The following MAPK4 variants were observed in gnomAD, a reference collection of about 807,000 sequenced individuals.
MAPK4 encodes the protein mitogen-activated protein kinase 4.
A neutral mutation model predicts 47.7 loss-of-function variants in MAPK4; 22 were observed. The ratio of observed to expected loss-of-function variants is 0.46; its 90% CI spans 0.33 to 0.66. MAPK4 has a LOEUF of 0.66. Ranked by LOEUF, MAPK4 falls within the 30% of genes least tolerant of loss-of-function variation. The pLI is 0.02. For missense variants in MAPK4, 736 were observed against 831.7 expected (o/e 0.88, Z 1.42); for synonymous variants, 390 against 365.7 (o/e 1.07, Z -0.76).
chr18:50,653,143 C>T lies in MAPK4; in HGVS notation c.-870-9946C>T, dbSNP rs547690672. On this transcript the variant is annotated intron_variant, in intron 1 of 5. Coordinates refer to ENST00000400384, the MANE Select transcript of MAPK4 (RefSeq NM_002747.4). Reference sequence around the variant, plus strand: ...GTTTGAGGCTGCACTGAGCTATGATCGAGCCACTGCACACCAGCCTGGGTG... The same window carrying T: ...GTTTGAGGCTGCACTGAGCTATGATTGAGCCACTGCACACCAGCCTGGGTG... 1.3e-4 allele frequency among the ~76,000 whole-genome samples: 20 copies of T among 151,748 alleles called. No individual in the cohort carries two copies. The South Asian group carries it at 3.1e-3, about 24-fold the overall frequency.
chr18:50,656,579 CA>C (rs764218470), intron 1 of MAPK4, among the ~76,000 whole-genome samples: 103 of 152,304 alleles, frequency 6.8e-4, no homozygotes, highest in Non-Finnish European at 1.2e-3. Flanking sequence ...GTGAGTCCAG[CA>C]CCCACTTAAG....
chr18:50,605,753 TA>T (rs1222405667), intron 1 of MAPK4, among the ~76,000 whole-genome samples: 1 of 152,204 alleles, frequency 6.6e-6, no homozygotes, highest in Non-Finnish European at 1.5e-5. Flanking sequence ...AGGCCTTCCC[TA>T]GCAGAGTGCC....
At chr18:50,564,521 A>T (rs2149355264) in intron 1 of MAPK4, among the ~76,000 whole-genome samples, 1 of 152,314 alleles carries the variant, frequency 6.6e-6, no homozygotes, top group African/African-American at 2.4e-5. Context: ...ATTGGTTATT[A>T]TGTATCATGC....
chr18:50,569,152 T>C (rs1350821178), intron 1 of MAPK4, among the ~76,000 whole-genome samples: 1 of 152,230 alleles, frequency 6.6e-6, no homozygotes, highest in African/African-American at 2.4e-5. Context: ...GTGCTGGATA[T>C]TGTTTTGAAA....
At chr18:50,589,356 G>A (rs2042415163) in intron 1 of MAPK4, among the ~76,000 whole-genome samples, 1 of 152,210 alleles carries the variant, frequency 6.6e-6, no homozygotes, top group Admixed American at 6.5e-5. Context: ...CAGCACTTTG[G>A]GAGGCCGAGG....
chr18:50,644,913 C>T (rs2042974216), intron 1 of MAPK4, among the ~76,000 whole-genome samples: 2 of 152,220 alleles, frequency 1.3e-5, no homozygotes, highest in African/African-American at 4.8e-5. Context: ...CACCCACTCC[C>T]ACCTCCATCC....
chr18:50,721,434 G>A (rs1301084067), intron 3 of MAPK4, among the ~76,000 whole-genome samples: 1 of 152,204 alleles, frequency 6.6e-6, no homozygotes, highest in Non-Finnish European at 1.5e-5. Context: ...GAGGCCATGT[G>A]CTCAAGATAC....
At chr18:50,636,946 CAACTCCTGTCACAGCCTCCT>C (rs1031285407) in intron 1 of MAPK4, among the ~76,000 whole-genome samples, 1 of 152,084 alleles carries the variant, frequency 6.6e-6, no homozygotes, top group African/African-American at 2.4e-5. Flanking sequence ...ATCAATTTCC[CAACTCCTGTCACAGCCTCCT>C]GCTTGCTTCT....
At chr18:50,602,953 A>G (rs1255290982) in intron 1 of MAPK4, among the ~76,000 whole-genome samples, 1 of 152,134 alleles carries the variant, frequency 6.6e-6, no homozygotes, top group Non-Finnish European at 1.5e-5. Flanking sequence ...GAGGGCCAAG[A>G]TGGGGACTTC....
chr18:50,667,040 AG>A (rs1360711738), intron 2 of MAPK4, among the ~76,000 whole-genome samples: 1 of 152,192 alleles, frequency 6.6e-6, no homozygotes, highest in Non-Finnish European at 1.5e-5. Context: ...CTCCTGATGG[AG>A]GGTCTCTCTG....
In MAPK4 at chr18:50,721,964, C is replaced by A; in HGVS notation, c.718C>A (p.Leu240Ile). Residue 240 changes from leucine to isoleucine, a missense_variant, in exon 4 of 6, where the codon CTC becomes ATC. Leu to Ile is a conservative substitution (Grantham distance 5, BLOSUM62 2). Coordinates refer to ENST00000400384, the MANE Select transcript of MAPK4 (RefSeq NM_002747.4). Reference protein sequence around the residue: ...AGAHELEQMQLILETIPVIRE... With the variant: ...AGAHELEQMQIILETIPVIRE... ...GGCCCATGAGCTGGAGCAGATGCAA[C>A]TCATCCTGGAGACCATCCCTGTAAT... 6.2e-7 allele frequency: 1 copy of A among 1,614,130 alleles called. No homozygotes were observed. The highest frequency in any genetic ancestry group is 8.5e-7 in the Non-Finnish European group (1 of 1,180,028).
intron 1 of MAPK4, among the ~76,000 whole-genome samples, chr18:50,615,204 G>T (rs146246099): frequency 9.9e-5 from 15 of 152,146 alleles, no homozygotes; most frequent in South Asian, 4.1e-4. Context: ...ATTGTGTTGG[G>T]GGGGGAGATC....
intron 1 of MAPK4, among the ~76,000 whole-genome samples, chr18:50,628,084 A>G (rs8089368): frequency 0.83 from 125,726 of 152,212 alleles, 52,118 homozygotes; most frequent in East Asian, 0.9. Context: ...CCCGGGCAGT[A>G]GGGGCTGGGG....
At chr18:50,641,682 T>C (rs1385503118) in intron 1 of MAPK4, among the ~76,000 whole-genome samples, 4 of 152,206 alleles carry the variant, frequency 2.6e-5, no homozygotes, top group Non-Finnish European at 5.9e-5. Context: ...AAAGTTATTG[T>C]ACCATTTGCT....
intron 1 of MAPK4, among the ~76,000 whole-genome samples, chr18:50,610,648 C>T (rs1568044293): frequency 6.6e-6 from 1 of 152,286 alleles, no homozygotes; most frequent in Non-Finnish European, 1.5e-5. Context: ...TAGAAGGGAT[C>T]GTTCAGGGCT....
At chr18:50,605,919 G>A (rs949061421) in intron 1 of MAPK4, among the ~76,000 whole-genome samples, 18 of 152,110 alleles carry the variant, frequency 1.2e-4, no homozygotes, top group Admixed American at 5.2e-4. Context: ...AAGAGATCAC[G>A]AACTCAAAGG....
chr18:50,622,758 G>A (rs2042743705), intron 1 of MAPK4, among the ~76,000 whole-genome samples: 1 of 152,210 alleles, frequency 6.6e-6, no homozygotes, highest in South Asian at 2.1e-4. Flanking sequence ...GAACCAGGCT[G>A]CAAAAGACCA....
rs1173111353 is a variant in MAPK4, at chr18:50,642,060, T to C, written c.-870-21029T>C. 2.6e-5 allele frequency among the ~76,000 whole-genome samples: 4 copies of C among 152,242 alleles called. 1 individual carries two copies. Among genetic ancestry groups the C allele is most frequent in the African/African-American group, 9.6e-5 (4 of 41,454 alleles). On this transcript the variant is annotated intron_variant, in intron 1 of 5. Transcript: ENST00000400384. ...GTGGCCCTGTAAATATAACAGTATA[T>C]ATTAATGACCATTAATGGTTTTAGT...
chr18:50,697,517 G>A (rs544360955), intron 2 of MAPK4, among the ~76,000 whole-genome samples: 1 of 152,336 alleles, frequency 6.6e-6, no homozygotes, highest in South Asian at 2.1e-4. Context: ...TAATACTGCT[G>A]TTATTGGTGA....
Sources: gnomAD v4.1 joint callset for allele counts (sites outside exome capture counted in the v4.1 genomes callset) on GRCh38, gnomAD v4.1.1 for gene constraint, MANE v1.5 for transcripts, NCBI Gene and HGNC (gene_info 2026-07-23, HGNC 2026-07-21) for gene names.